The following CD4 variants were observed in gnomAD, a reference collection of about 807,000 sequenced individuals.
CD4 encodes T-cell surface glycoprotein CD4.
Under a neutral mutation model 50.5 loss-of-function variants are expected in CD4, and 25 were observed. The ratio of observed to expected loss-of-function variants is 0.49; its 90% confidence interval spans 0.36 to 0.69. CD4 has a LOEUF of 0.69. Ranked by LOEUF, CD4 falls within the 30% of genes least tolerant of loss-of-function variation. CD4 has a pLI of 0.00. For missense variants in CD4, 456 were observed against 548.5 expected (o/e 0.83, Z 1.68); for synonymous variants, 207 against 221.9 (o/e 0.93, Z 0.60).
intron 1 of CD4, among the ~76,000 whole-genome samples, chr12:6,793,356 G>A (rs769002765): frequency 6.6e-6 from 1 of 152,122 alleles, no homozygotes; most frequent in Non-Finnish European, 1.5e-5. Flanking sequence ...AGCTGAATTT[G>A]GACCCCAGAG....
Position 6,819,517 on chromosome 12 carries a change from A to T in CD4, c.*188A>T, listed in dbSNP as rs1354036836. On this transcript the variant is annotated 3_prime_UTR_variant, in exon 10 of 10. Transcript: ENST00000011653. Reference sequence around the variant, plus strand: ...GGTTGAGTGTTGCTCTCTAGTTTCCAGAGGCTTAATCACACCGTCCTCCAC... The same window carrying T: ...GGTTGAGTGTTGCTCTCTAGTTTCCTGAGGCTTAATCACACCGTCCTCCAC... The T allele has an allele frequency of 8.0e-6, 5 of 625,066 alleles. No homozygotes were observed. In the African/African-American group the frequency reaches 9.2e-5, roughly 11 times the overall value. The allele number at this position is 625,066 out of a possible 1,614,324, so 38.7% of individuals were successfully genotyped here.
chr12:6,817,044 TAAA>T lies in CD4; in HGVS notation c.956-84_956-82del, dbSNP rs1943098981. 3 of 1,202,196 alleles carry T rather than the reference TAAA, an allele frequency of 2.5e-6. No homozygotes were observed. In the Admixed American group the frequency reaches 5.7e-5, roughly 23 times the overall value. The allele number at this position is 1,202,196 out of a possible 1,614,324, so 74.5% of individuals were successfully genotyped here. A position where few individuals can be genotyped will look rare whatever the true frequency, so the allele number is the denominator to read the frequency against. On this transcript the variant is annotated intron_variant, in intron 6 of 9. Transcript: ENST00000011653. ...TGCATGAAAACCTGCTCTAAAAGGC[TAAA>T]AGAAGGTCACCCATATAGAGTATCA...
At chr12:6,793,637 GTATCTATCTATCATCTATC>G (rs1236226269) in intron 1 of CD4, among the ~76,000 whole-genome samples, 62 of 149,736 alleles carry the variant, frequency 4.1e-4, no homozygotes, top group African/African-American at 1.4e-3. Context: ...AAACAAAATT[GTATCTATCTATCATCTATC>G]TATCTATCTA....
chr12:6,808,058 C>T (rs536431044), intron 3 of CD4, among the ~76,000 whole-genome samples: 12 of 108,714 alleles, frequency 1.1e-4, no homozygotes, highest in East Asian at 6.0e-4. Flanking sequence ...GTAGCTTGGG[C>T]GACAGAGTGA....
At chr12:6,801,488 G>A (rs1445139289) in intron 3 of CD4, among the ~76,000 whole-genome samples, 1 of 143,754 alleles carries the variant, frequency 7.0e-6, no homozygotes, top group Non-Finnish European at 1.5e-5. Context: ...CTGCACTCCA[G>A]CCTGGGTGAC....
chr12:6,797,247 C>T (rs1176603620), intron 1 of CD4, among the ~76,000 whole-genome samples: 1 of 152,114 alleles, frequency 6.6e-6, no homozygotes, highest in Non-Finnish European at 1.5e-5. Context: ...CTGCCCCCAC[C>T]ACCCCCAGTC....
chr12:6,817,860 CACAT>C (rs1348589016), intron 7 of CD4, among the ~76,000 whole-genome samples: 2 of 149,572 alleles, frequency 1.3e-5, no homozygotes, highest in African/African-American at 2.5e-5. Context: ...CATGTACTCA[CACAT>C]GCATGCACAC....
Position 6,816,141 on chromosome 12 carries a change from G to C in CD4, c.693G>C (p.Lys231Asn). The C allele has an allele frequency of 6.2e-7, 1 of 1,614,220 alleles. No homozygotes were observed. The highest frequency in any genetic ancestry group is 2.2e-5 in the East Asian group (1 of 44,892). The change falls in exon 6 of 10, where the codon AAG (lysine) becomes AAC (asparagine). Residue 231 changes from lysine (K) to asparagine (N), a missense_variant. Lys to Asn is a moderately conservative substitution (Grantham distance 94). Transcript: ENST00000011653. This position sits in a 1 kb window ranked among gnomAD's most constrained non-coding sequence, Gnocchi z 4.9. ...FSFPLAFTVEKLTGSGELWWQ... is the reference protein window; with the variant it reads ...FSFPLAFTVENLTGSGELWWQ... Reference sequence around the variant, plus strand: ...TCCCACTCGCCTTTACAGTTGAAAAGCTGACGGGCAGTGGCGAGCTGTGGT... The same window carrying C: ...TCCCACTCGCCTTTACAGTTGAAAACCTGACGGGCAGTGGCGAGCTGTGGT...
chr12:6,802,873 A>G (rs1942606446), intron 3 of CD4, among the ~76,000 whole-genome samples: 1 of 151,990 alleles, frequency 6.6e-6, no homozygotes, highest in African/African-American at 2.4e-5. Flanking sequence ...AGCTGGGACT[A>G]CAGACACGTG....
chr12:6,791,013 C>T (rs935753594), intron 1 of CD4, among the ~76,000 whole-genome samples: 3 of 152,224 alleles, frequency 2.0e-5, no homozygotes, highest in Admixed American at 2.0e-4. Flanking sequence ...GGCCGCCGCC[C>T]TCAAAGTCAG....
intron 1 of CD4, among the ~76,000 whole-genome samples, chr12:6,797,798 C>T (rs1025787923): frequency 1.3e-5 from 2 of 152,190 alleles, no homozygotes; most frequent in African/African-American, 4.8e-5. Flanking sequence ...CATGATGTCT[C>T]GCCTCCAGAC....
intron 3 of CD4, among the ~76,000 whole-genome samples, chr12:6,811,491 C>CTTTTTTTTTTTTTTTTTTTTT (rs11318741): frequency 1.8e-5 from 2 of 111,022 alleles, no homozygotes; most frequent in African/African-American, 3.9e-5. Context: ...TTTTCTTTTT[C>CTTTTTTTTTTTTTTTTTTTTT]TTTTTTTTTT....
rs1187752889 is a variant in CD4, at chr12:6,819,416, T to A, written c.*87T>A. 2.3e-6 allele frequency: 3 copies of A among 1,304,806 alleles called. 1 individual carries two copies. The African/African-American group carries it at 4.4e-5, about 19-fold the overall frequency. 80.8% of individuals were successfully genotyped at this position (1,304,806 alleles called of 1,614,324 possible). Reference sequence around the variant, plus strand: ...CTGCGGACCAGATGAATGTAGCAGATCCCCAGCCTCTGGCCTCCTGTTCGC... The same window carrying A: ...CTGCGGACCAGATGAATGTAGCAGAACCCCAGCCTCTGGCCTCCTGTTCGC... On this transcript the variant is annotated 3_prime_UTR_variant, in exon 10 of 10. Transcript: ENST00000011653.
chr12:6,789,585 C>T lies in CD4; in HGVS notation c.-145C>T, dbSNP rs1942087211. The T allele has an allele frequency of 6.6e-6, 1 of 152,246 alleles. No homozygotes were observed. Among genetic ancestry groups the T allele is most frequent in the Non-Finnish European group, 1.5e-5 (1 of 68,066 alleles). 9.4% of individuals were successfully genotyped at this position (152,246 alleles called of 1,614,324 possible). On this transcript the variant is annotated 5_prime_UTR_variant, in exon 1 of 10. Transcript: ENST00000011653. The stretch of plus-strand genomic sequence containing the variant: ...AACAAAGCACCCTCCCCACTGGGCT[C>T]CTGGTTGCAGAGCTCCAAGTCCTCA...
In CD4 at chr12:6,807,559, G is replaced by A. The variant is rs782351903; in HGVS notation, c.215-6583G>A. 5.3e-5 allele frequency among the ~76,000 whole-genome samples: 8 copies of A among 152,226 alleles called. No homozygotes were observed. In the South Asian group the frequency reaches 1.7e-3, roughly 32 times the overall value. The stretch of plus-strand genomic sequence containing the variant: ...AGATGAGTGATTGCCAGGGGTTAAG[G>A]GGCTCAGGGATGGGGAGGGGAAGGG... On this transcript the variant is annotated intron_variant, in intron 3 of 9. Transcript: ENST00000011653.
chr12:6,797,550 T>G (rs1181816185), intron 1 of CD4, among the ~76,000 whole-genome samples: 1 of 152,024 alleles, frequency 6.6e-6, no homozygotes, highest in Non-Finnish European at 1.5e-5. Flanking sequence ...CCTGCACCGG[T>G]GCTGGTCTCT....
chr12:6,818,061 C>T lies in CD4; in HGVS notation c.1157-360C>T, dbSNP rs933640322. ...GCACACATTCACACACATGCACACA[C>T]GCACACACATTCACACATGGACTCA... On this transcript the variant is annotated intron_variant, in intron 7 of 9. Transcript: ENST00000011653. This position sits in a 1 kb window ranked among gnomAD's most constrained non-coding sequence, Gnocchi z 5.0. Among the ~76,000 whole-genome samples the T allele has an allele frequency of 8.0e-5, 12 of 149,744 alleles. No individual in the cohort carries two copies. The highest frequency in any genetic ancestry group is 2.2e-4 in the South Asian group (1 of 4,636).
chr12:6,800,271 C>T (rs782693436), intron 2 of CD4, 36 bp from the exon 3 acceptor site: 14 of 1,612,586 alleles, frequency 8.7e-6, no homozygotes, highest in African/African-American at 2.7e-5. Flanking sequence ...GGGACAGCGG[C>T]GACATTGAGA....
At chr12:6,791,869 G>C (rs1280468499) in intron 1 of CD4, among the ~76,000 whole-genome samples, 1 of 152,192 alleles carries the variant, frequency 6.6e-6, no homozygotes, top group Non-Finnish European at 1.5e-5. Flanking sequence ...GCGAGAGTGA[G>C]GCCCTGTCTC....
Sources: gnomAD v4.1 joint callset for allele counts (sites outside exome capture counted in the v4.1 genomes callset) on GRCh38, gnomAD v4.1.1 for gene constraint, Gnocchi (gnomAD v3.1) non-coding constraint, MANE v1.5 for transcripts, NCBI Gene and HGNC (gene_info 2026-07-23, HGNC 2026-07-21) for gene names.